AFG2A: variants seen among roughly 807,000 people sequenced by gnomAD.
The protein encoded by AFG2A is AAA ATPase AFG2A, also known as ATPase family gene 2 protein homolog A.
At chr4:123,313,975 G>T in the AFG2A span, 1 of 1,612,918 alleles carries the variant, frequency 6.2e-7, no homozygotes. Context: ...TTTCACTCAG[G>T]CCTTGAGCAC....
the AFG2A span, among the ~76,000 whole-genome samples, chr4:122,941,484 G>A: frequency 3.3e-5 from 5 of 152,242 alleles, no homozygotes; most frequent in Admixed American, 2.0e-4. Flanking sequence ...CATTGATTTT[G>A]TATCCTGGGA....
the AFG2A span, among the ~76,000 whole-genome samples, chr4:123,092,395 A>C: frequency 2.0e-5 from 3 of 152,338 alleles, no homozygotes; most frequent in African/African-American, 4.8e-5. Flanking sequence ...GGCTTAATCT[A>C]ATAGTAGCCT....
the AFG2A span, among the ~76,000 whole-genome samples, chr4:123,071,308 C>G: frequency 6.6e-6 from 1 of 152,046 alleles, no homozygotes; most frequent in East Asian, 1.9e-4. Context: ...TGGAGAAACC[C>G]CGTCTCTACT....
the AFG2A span, among the ~76,000 whole-genome samples, chr4:123,035,864 T>A: frequency 1.3e-5 from 2 of 152,252 alleles, no homozygotes; most frequent in South Asian, 4.1e-4. Flanking sequence ...GAAGGATAAT[T>A]TTATAAGGAA....
the AFG2A span, among the ~76,000 whole-genome samples, chr4:122,955,875 C>T: frequency 2.6e-5 from 4 of 152,248 alleles, no homozygotes; most frequent in East Asian, 3.9e-4. Context: ...CTGCTTCTAG[C>T]GTCACAGGGA....
At chr4:123,104,302 C>G in the AFG2A span, among the ~76,000 whole-genome samples, 1 of 152,032 alleles carries the variant, frequency 6.6e-6, no homozygotes, top group South Asian at 2.1e-4. Flanking sequence ...TAAACCACAC[C>G]CATGTAAGAC....
At chr4:123,032,393 T>TC in the AFG2A span, among the ~76,000 whole-genome samples, 8 of 152,230 alleles carry the variant, frequency 5.3e-5, no homozygotes, top group African/African-American at 1.7e-4. Context: ...CGAATTTTAA[T>TC]CCTTTTTTTT....
the AFG2A span, among the ~76,000 whole-genome samples, chr4:122,982,824 C>T: frequency 2.0e-5 from 3 of 146,504 alleles, no homozygotes; most frequent in South Asian, 2.1e-4. Context: ...ATTGTAGTGT[C>T]TCCTGTTTCA....
the AFG2A span, among the ~76,000 whole-genome samples, chr4:123,054,504 G>T: frequency 6.6e-6 from 1 of 151,904 alleles, no homozygotes; most frequent in African/African-American, 2.4e-5. Context: ...AGATGACGAG[G>T]TCAGGAGATT....
the AFG2A span, among the ~76,000 whole-genome samples, chr4:123,070,928 ATTTTTAT>A: frequency 3.3e-5 from 5 of 152,080 alleles, no homozygotes; most frequent in African/African-American, 9.7e-5. Context: ...ATTACTATAG[ATTTTTAT>A]TTTTTATTTT....
the AFG2A span, among the ~76,000 whole-genome samples, chr4:122,935,075 TC>T: frequency 2.6e-5 from 4 of 152,146 alleles, no homozygotes. Context: ...AGGTAAAACT[TC>T]TTAGGAAATG....
chr4:123,044,399 G>A, the AFG2A span, among the ~76,000 whole-genome samples: 2 of 152,230 alleles, frequency 1.3e-5, no homozygotes, highest in Middle Eastern at 6.8e-3. Context: ...TGTTCTTTCA[G>A]TTATCCATTT....
chr4:123,034,189 G>A, the AFG2A span, among the ~76,000 whole-genome samples: 2 of 151,912 alleles, frequency 1.3e-5, no homozygotes, highest in South Asian at 4.2e-4. Flanking sequence ...AATAAGGAGG[G>A]CTAACTATGT....
the AFG2A span, among the ~76,000 whole-genome samples, chr4:123,010,610 T>G: frequency 6.6e-6 from 1 of 152,228 alleles, no homozygotes; most frequent in Non-Finnish European, 1.5e-5. Context: ...GCAGCCTGAC[T>G]CTAGTTAACC....
the AFG2A span, among the ~76,000 whole-genome samples, chr4:123,139,984 T>C: frequency 6.6e-6 from 1 of 151,810 alleles, no homozygotes; most frequent in Non-Finnish European, 1.5e-5. Context: ...CCCTCAGGAG[T>C]AGGCAAATAT....
At chr4:122,953,084 T>C in the AFG2A span, among the ~76,000 whole-genome samples, 863 of 152,258 alleles carry the variant, frequency 5.7e-3, 8 homozygotes, top group African/African-American at 0.019. Flanking sequence ...GGTTTCATTA[T>C]GTCCCCCCAG....
the AFG2A span, among the ~76,000 whole-genome samples, chr4:123,306,045 C>T: frequency 6.6e-6 from 1 of 152,180 alleles, no homozygotes; most frequent in Non-Finnish European, 1.5e-5. Flanking sequence ...TCGCGTAATC[C>T]AGTTATTGCT....
chr4:122,949,375 G>A, the AFG2A span, among the ~76,000 whole-genome samples: 2 of 152,150 alleles, frequency 1.3e-5, no homozygotes, highest in African/African-American at 2.4e-5. Context: ...GCTGCATGAG[G>A]TGCTGTTGTC....
the AFG2A span, among the ~76,000 whole-genome samples, chr4:122,972,958 T>A: frequency 6.6e-6 from 1 of 152,160 alleles, no homozygotes; most frequent in African/African-American, 2.4e-5. Flanking sequence ...TTTTCGTATC[T>A]TCTGGTATCT....
Sources: allele counts gnomAD v4.1 joint callset (sites outside exome capture counted in the v4.1 genomes callset), GRCh38; gene constraint gnomAD v4.1.1; transcripts MANE v1.5; gene names NCBI Gene and HGNC (gene_info 2026-07-23, HGNC 2026-07-21).